The following PARL variants were observed in gnomAD, a reference collection of about 807,000 sequenced individuals.
PARL encodes the protein presenilin-associated rhomboid-like protein, mitochondrial.
A neutral mutation model predicts 51.6 loss-of-function variants in PARL; 44 were observed. The ratio of observed to expected loss-of-function variants is 0.85; its 90% CI spans 0.67 to 1.10. The LOEUF (loss-of-function observed/expected upper bound fraction) is 1.10, where lower values mean the gene tolerates loss of function less well. PARL is among the 50% of genes least tolerant of loss of function. The pLI is 0.00. For synonymous variants in PARL, 172 were observed against 164.0 expected (o/e 1.05, Z -0.37); for missense variants, 441 against 469.5 (o/e 0.94, Z 0.56).
At chr3:183,882,243 ATT>A (rs1339532213) in intron 1 of PARL, among the ~76,000 whole-genome samples, 1,159 of 22,180 alleles carry the variant, frequency 0.052, 81 homozygotes, top group East Asian at 0.26. Flanking sequence ...ATATATATAT[ATT>A]TATATATATA....
intron 4 of PARL, among the ~76,000 whole-genome samples, chr3:183,846,030 A>C (rs1239615464): frequency 6.6e-6 from 1 of 152,108 alleles, no homozygotes; most frequent in Admixed American, 6.6e-5. Context: ...AGGCTGAAAA[A>C]TGGCAACGAC....
At chr3:183,882,223 ATATATATAT>A (rs1734545571) in intron 1 of PARL, among the ~76,000 whole-genome samples, 1 of 35,378 alleles carries the variant, frequency 2.8e-5, no homozygotes, top group East Asian at 2.0e-3. Flanking sequence ...AAAAAAAAAA[ATATATATAT>A]ATATATATAT....
downstream of PARL, among the ~76,000 whole-genome samples, chr3:183,827,127 A>T (rs547456003): frequency 9.2e-5 from 14 of 151,816 alleles, 1 homozygote; most frequent in South Asian, 2.3e-3. Flanking sequence ...CAGACCATGG[A>T]GGGTCTTGGT....
chr3:183,828,019 G>A (rs909410213), downstream of PARL, among the ~76,000 whole-genome samples: 1 of 152,332 alleles, frequency 6.6e-6, no homozygotes, highest in South Asian at 2.1e-4. Context: ...CAGTGATCGC[G>A]GGTCCCCAGA....
chr3:183,829,350 A>G lies in PARL; in HGVS notation c.*248T>C. 7.5e-7 allele frequency: 1 copy of G among 1,333,176 alleles called. No individual in the cohort carries two copies. The highest frequency in any genetic ancestry group is 9.8e-7 in the Non-Finnish European group (1 of 1,020,362). 82.6% of individuals were successfully genotyped at this position (1,333,176 alleles called of 1,614,324 possible). A position where few individuals can be genotyped will look rare whatever the true frequency, so the allele number is the denominator to read the frequency against. On this transcript the variant is annotated 3_prime_UTR_variant, in exon 10 of 10. Transcript: ENST00000317096. ...TGCAACAACCAAAGCAAAATGCCAG[A>G]GCCGTGTCGGCCCCTTAAAGAGAGA...
At chr3:183,862,941 G>A (rs536308590) in intron 3 of PARL, 140 bp from the exon 4 acceptor site, 27 of 730,536 alleles carry the variant, frequency 3.7e-5, no homozygotes, top group South Asian at 1.2e-4. Flanking sequence ...TAATAAATAC[G>A]TGGTAGAGTG....
chr3:183,847,231 C>A (rs1321423970), intron 4 of PARL, among the ~76,000 whole-genome samples: 2 of 152,180 alleles, frequency 1.3e-5, no homozygotes, highest in Non-Finnish European at 2.9e-5. Flanking sequence ...CTTGTTTCCT[C>A]TTCTGTAAAA....
intron 7 of PARL, among the ~76,000 whole-genome samples, chr3:183,840,265 C>T (rs1450001862): frequency 6.6e-6 from 1 of 152,168 alleles, no homozygotes; most frequent in Non-Finnish European, 1.5e-5. Flanking sequence ...CTGGATTAGG[C>T]TCTCTGGTTT....
At chr3:183,853,579 T>C (rs973147715) in intron 4 of PARL, among the ~76,000 whole-genome samples, 3 of 151,954 alleles carry the variant, frequency 2.0e-5, no homozygotes, top group East Asian at 1.9e-4. Flanking sequence ...AGAATGCTTA[T>C]AACTCAACAA....
At chr3:183,842,956 A>G (rs1473741738) in intron 5 of PARL, among the ~76,000 whole-genome samples, 3 of 150,558 alleles carry the variant, frequency 2.0e-5, no homozygotes, top group African/African-American at 7.3e-5. Context: ...TGCAGCCTCA[A>G]CTTCCTCAAG....
chr3:183,837,237 A>G (rs1235895763), intron 7 of PARL, among the ~76,000 whole-genome samples: 2 of 152,242 alleles, frequency 1.3e-5, no homozygotes, highest in Non-Finnish European at 2.9e-5. Flanking sequence ...CGGACCAGCT[A>G]GGAAGCCTGA....
intron 9 of PARL, 126 bp downstream of exon 9, chr3:183,833,366 C>A: frequency 1.4e-6 from 1 of 727,876 alleles, no homozygotes; most frequent in Non-Finnish European, 2.5e-6. Context: ...CCAAGCCCAC[C>A]TGCTTCTGCT....
At chr3:183,832,532 C>G (rs914206293) in intron 9 of PARL, among the ~76,000 whole-genome samples, 2 of 151,738 alleles carry the variant, frequency 1.3e-5, no homozygotes, top group African/African-American at 4.8e-5. Context: ...ATAGATTTTT[C>G]TTTTTAATAA....
chr3:183,830,263 CG>C (rs1469336904), intron 9 of PARL, among the ~76,000 whole-genome samples: 45 of 152,346 alleles, frequency 3.0e-4, no homozygotes, highest in Admixed American at 1.2e-3. Flanking sequence ...AGCCTAACTG[CG>C]GCCTGAAGCA....
intron 9 of PARL, among the ~76,000 whole-genome samples, chr3:183,831,217 C>T (rs1038089001): frequency 1.3e-5 from 2 of 152,198 alleles, no homozygotes; most frequent in African/African-American, 4.8e-5. Context: ...CTCAAGTGAT[C>T]TACTTGCCTC....
chr3:183,827,558 A>G (rs1242399768), downstream of PARL, among the ~76,000 whole-genome samples: 3 of 152,202 alleles, frequency 2.0e-5, no homozygotes, highest in African/African-American at 7.2e-5. Flanking sequence ...CAGCTGGAAG[A>G]ACAGGCTCAA....
intron 4 of PARL, among the ~76,000 whole-genome samples, chr3:183,858,176 G>A (rs976589443): frequency 6.6e-6 from 1 of 152,156 alleles, no homozygotes. Flanking sequence ...AGGAGTTACA[G>A]AAAAACAGTG....
At position 183,866,585 on chromosome 3, in the gene PARL, C is replaced by T. The variant is rs754495137; in HGVS notation, c.462+40G>A. 8.9e-6 allele frequency: 14 copies of T among 1,572,538 alleles called. No homozygotes were observed. In the East Asian group the frequency reaches 1.6e-4, roughly 18 times the overall value. The stretch of plus-strand genomic sequence containing the variant: ...CTATTAAGTATCAGTTTTTTAAAAC[C>T]GTGATTAACTAGAAGAAAGAAAGCA... On this transcript the variant is annotated intron_variant, in intron 3 of 9. Coordinates refer to ENST00000317096, the MANE Select transcript of PARL (RefSeq NM_018622.7).
intron 1 of PARL, among the ~76,000 whole-genome samples, chr3:183,880,710 C>CT (rs1267763721): frequency 1.4e-4 from 21 of 150,964 alleles, no homozygotes; most frequent in East Asian, 5.9e-4. Context: ...CCAGCTCAGA[C>CT]TTTTTTTTTA....
Sources: gnomAD v4.1 joint callset for allele counts (sites outside exome capture counted in the v4.1 genomes callset) on GRCh38, gnomAD v4.1.1 for gene constraint, MANE v1.5 for transcripts, NCBI Gene and HGNC (gene_info 2026-07-23, HGNC 2026-07-21) for gene names.